SPTBN5: variants seen among roughly 807,000 people sequenced by gnomAD.
SPTBN5 encodes the protein spectrin beta chain, non-erythrocytic 5.
In SPTBN5, 513 loss-of-function variants were observed where a neutral mutation model predicts 477.6. The ratio of observed to expected loss-of-function variants is 1.07; its 90% CI spans 1.00 to 1.16. SPTBN5 has a LOEUF of 1.16. Ranked by LOEUF, SPTBN5 falls within the 50% of genes most tolerant of loss-of-function variation. The pLI, the probability that SPTBN5 is intolerant of heterozygous loss-of-function variation, is 0.00. For missense variants in SPTBN5, 5,062 were observed against 4,731.8 expected (o/e 1.07, Z -2.05); for synonymous variants, 2,169 against 2,011.7 (o/e 1.08, Z -2.09).
At position 41,849,909 on chromosome 15, in the gene SPTBN5, C is replaced by A. The variant is rs374087977; in HGVS notation, c.10972G>T (p.Glu3658Ter). 6.3e-7 allele frequency: 1 copy of A among 1,595,560 alleles called. No individual in the cohort carries two copies. The highest frequency in any genetic ancestry group is 1.1e-5 in the South Asian group (1 of 87,850). ...LKAKPVSSLN[E>*]CTTKDARPGC... ...GGCCGGGCATCCTTGGTCGTGCACT[C>A]ATTCAGAGAGCTGACAGGTTTGGCT... The change falls in exon 67 of 68, where the codon GAG becomes TAG. Residue 3658 changes from glutamate to a stop codon, truncating the protein, a stop_gained. Transcript: ENST00000320955. LOFTEE classifies it low-confidence loss of function (END_TRUNC).
Position 41,851,052 on chromosome 15 carries a change from C to A in SPTBN5, c.10835+7G>T, listed in dbSNP as rs374282696. 8.0e-5 allele frequency: 129 copies of A among 1,610,020 alleles called. No homozygotes were observed. Among genetic ancestry groups the A allele is most frequent in the Non-Finnish European group, 9.6e-5 (113 of 1,178,624 alleles). On this transcript the variant is annotated splice_region_variant and intron_variant, in intron 65 of 67. Transcript: ENST00000320955. ...GGTGATGCCGGAGTCCATGTCTCTC[C>A]GCTCACCTTAAGGAGAATGTGTGTT... is the stretch of plus-strand genomic sequence containing the variant.
In SPTBN5 at chr15:41,865,801, C is replaced by T. The variant is rs2066281984; in HGVS notation, c.6918+7G>A. On this transcript the variant is annotated splice_region_variant and intron_variant, in intron 39 of 67. Coordinates refer to ENST00000320955, the MANE Select transcript of SPTBN5 (RefSeq NM_016642.4). ...TGGCCAACCTCTACCCAGCAAGGCC[C>T]TCTTACCCCGGCCGAGTTTCCTCGG... The T allele has an allele frequency of 3.2e-6, 5 of 1,554,680 alleles. No homozygotes were observed. In the East Asian group the frequency reaches 1.2e-4, roughly 38 times the overall value.
In SPTBN5 at chr15:41,856,913, G is replaced by A. The variant is rs1236507082; in HGVS notation, c.8748C>T (p.Ala2916=). ...GGCTCTGGCCATAGTCCTGGGCAGCGGCCAGAGGCAGCTTCTCCTGCACCC... is the reference window on the plus strand; with the variant it reads ...GGCTCTGGCCATAGTCCTGGGCAGCAGCCAGAGGCAGCTTCTCCTGCACCC... The part of the protein sequence containing the change: ...MAWVQEKLPL[A]AAQDYGQSLS... Residue 2916 remains alanine (A), a synonymous_variant, in exon 52 of 68, where the codon GCC becomes GCT. Transcript: ENST00000320955. 17 of 1,556,214 alleles carry A rather than the reference G, an allele frequency of 1.1e-5. No homozygotes were observed. Among genetic ancestry groups the A allele is most frequent in the Middle Eastern group, 1.7e-4 (1 of 6,020 alleles).
rs571726095 is a variant in SPTBN5 at position 41,869,721 on chromosome 15, C to T, written c.5853+120G>A. ...CTGACATCCCGTGTGCTCGTGCTCT[C>T]CCACCCAAGTCCATGCTTGTTCTCC... On this transcript the variant is annotated intron_variant, in intron 32 of 67. Transcript: ENST00000320955. 11 of 1,122,618 alleles carry T rather than the reference C, an allele frequency of 9.8e-6. No homozygotes were observed. The South Asian group carries it at 2.5e-4, about 26-fold the overall frequency. 69.5% of individuals were successfully genotyped at this position (1,122,618 alleles called of 1,614,324 possible). A position where few individuals can be genotyped will look rare whatever the true frequency, so the allele number is the denominator to read the frequency against.
chr15:41,892,523 C>T (rs2067343973), intron 3 of SPTBN5, among the ~76,000 whole-genome samples: 1 of 152,214 alleles, frequency 6.6e-6, no homozygotes, highest in African/African-American at 2.4e-5. Context: ...GCTGGTTAAC[C>T]ATCGATCTTG....
chr15:41,873,996 A>G lies in SPTBN5; in HGVS notation c.4739T>C (p.Leu1580Pro), dbSNP rs199969875. Residue 1580 changes from leucine to proline, a missense_variant, in exon 25 of 68, where the codon CTG becomes CCG. Physicochemically the swap from Leu to Pro is moderately conservative, Grantham distance 98. Transcript: ENST00000320955. The stretch of plus-strand genomic sequence containing the variant: ...GGCTGCCAGGCTCCGCCCAGAACTC[A>G]GCACCCGTTGCACCTGCCCCTGGTG... ...KAHQGQVQRV[L>P]SSGRSLAASG... is the part of the protein sequence containing the mutation. The G allele has an allele frequency of 1.5e-5, 24 of 1,604,018 alleles. No homozygotes were observed. The African/African-American group carries it at 3.1e-4, about 21-fold the overall frequency.
chr15:41,882,168 G>A (rs781722368), intron 11 of SPTBN5, 23 bp from the exon 12 acceptor site: 2 of 1,548,758 alleles, frequency 1.3e-6, no homozygotes, highest in East Asian at 2.4e-5. Context: ...GTCGGGGGTG[G>A]TGTGGGTGAA....
intron 49 of SPTBN5, among the ~76,000 whole-genome samples, chr15:41,858,163 T>G (rs1046093337): frequency 6.6e-6 from 1 of 152,020 alleles, no homozygotes; most frequent in Non-Finnish European, 1.5e-5. Flanking sequence ...CTGGATGTAG[T>G]GGTGTGGGCC....
Position 41,852,279 on chromosome 15 carries a change from T to C in SPTBN5, c.10487A>G (p.Lys3496Arg). The C allele has an allele frequency of 6.2e-7, 1 of 1,603,056 alleles. No homozygotes were observed. The highest frequency in any genetic ancestry group is 8.5e-7 in the Non-Finnish European group (1 of 1,174,848). Reference protein sequence around the residue: ...QELLLQPQELKPGRAGSSLTS... With the variant: ...QELLLQPQELRPGRAGSSLTS... ...CAGCGAGCTGCCAGCTCTCCCGGGC[T>C]TCAGCTCCTGTGGCTGCAGCAGGAG... The change falls in exon 62 of 68, where the codon AAG becomes AGG. Residue 3496 changes from lysine to arginine, a missense_variant. Physicochemically the swap from Lys to Arg is conservative, Grantham distance 26 (BLOSUM62 2). Transcript: ENST00000320955.
At position 41,888,916 on chromosome 15, in the gene SPTBN5, A is replaced by C. The variant is rs145651859; in HGVS notation, c.502-831T>G. Among the ~76,000 whole-genome samples the C allele has an allele frequency of 3.6e-3, 543 of 152,360 alleles. 3 individuals carry two copies. Among genetic ancestry groups the C allele is most frequent in the African/African-American group, 0.012 (518 of 41,592 alleles). ...CTGGGCCCCAGCGAGGTCAGGCCCC[A>C]GTACCCTGCATGGTGGGGCCAGGCT... is the stretch of plus-strand genomic sequence containing the variant. On this transcript the variant is annotated intron_variant, in intron 4 of 67. Transcript: ENST00000320955.
At chr15:41,866,927 T>A in intron 36 of SPTBN5, 32 bp downstream of exon 36, 1 of 1,539,130 alleles carries the variant, frequency 6.5e-7, no homozygotes, top group African/African-American at 1.4e-5. Context: ...GTGGTTCCAG[T>A]GGAAGGCCCT....
chr15:41,879,640 T>A, intron 15 of SPTBN5, 94 bp downstream of exon 15: 1 of 1,592,292 alleles, frequency 6.3e-7, no homozygotes, highest in Non-Finnish European at 8.6e-7. Flanking sequence ...ACGTCCAGCC[T>A]CTCCATCTGG....
chr15:41,868,438 C>T lies in SPTBN5; in HGVS notation c.6017G>A (p.Gly2006Glu). ...EKLWQQATQL[G>E]QQALLAAGTP... Reference sequence around the variant, plus strand: ...CCCTGCAGCAAGAAGTGCCTGCTGCCCCAGCTGGGTGGCCTGCTGCCACAG... The same window carrying T: ...CCCTGCAGCAAGAAGTGCCTGCTGCTCCAGCTGGGTGGCCTGCTGCCACAG... Residue 2006 changes from glycine (G) to glutamate (E), a missense_variant, in exon 33 of 68, where the codon GGG (glycine) becomes GAG (glutamate). Transcript: ENST00000320955. The T allele has an allele frequency of 6.2e-7, 1 of 1,608,998 alleles. No homozygotes were observed. The highest frequency in any genetic ancestry group is 2.2e-5 in the East Asian group (1 of 44,750).
Position 41,866,443 on chromosome 15 carries a change from A to T in SPTBN5, c.6531T>A (p.Pro2177=). The part of the protein sequence containing the change: ...AWAQQLKEPV[P]PGDLRDKLKP... ...TCAGCTTATCTCTCAGGTCCCCAGG[A>T]GGGACCGGCTCCTTCAGCTGCTGGG... The change falls in exon 37 of 68, where the codon CCT becomes CCA. Residue 2177 remains proline, a synonymous_variant. Coordinates refer to ENST00000320955, the MANE Select transcript of SPTBN5 (RefSeq NM_016642.4). 1.2e-6 allele frequency: 2 copies of T among 1,605,302 alleles called. No homozygotes were observed. Among genetic ancestry groups the T allele is most frequent in the Non-Finnish European group, 1.7e-6 (2 of 1,176,438 alleles).
At chr15:41,882,235 C>T in intron 11 of SPTBN5, 34 bp downstream of exon 11, 1 of 1,048,600 alleles carries the variant, frequency 9.5e-7, no homozygotes, top group Non-Finnish European at 1.3e-6. Flanking sequence ...TCGCCGGGCC[C>T]CGCCCCCACC....
At position 41,882,486 on chromosome 15, in the gene SPTBN5, C is replaced by A. The variant is rs760911792; in HGVS notation, c.2047-17G>T. On this transcript the variant is annotated splice_polypyrimidine_tract_variant and intron_variant, in intron 10 of 67. Coordinates refer to ENST00000320955, the MANE Select transcript of SPTBN5 (RefSeq NM_016642.4). Reference sequence around the variant, plus strand: ...TTCCAGGGCCTAGCGGGGGGCAGAGCAGGGGGCTCAGTGAAGGCAGAACAG... The same window carrying A: ...TTCCAGGGCCTAGCGGGGGGCAGAGAAGGGGGCTCAGTGAAGGCAGAACAG... 11 of 1,558,996 alleles carry A rather than the reference C, an allele frequency of 7.1e-6. No homozygotes were observed. In the South Asian group the frequency reaches 1.1e-4, roughly 15 times the overall value.
At position 41,862,264 on chromosome 15, in the gene SPTBN5, C is replaced by G. The variant is rs2066136906; in HGVS notation, c.7414G>C (p.Ala2472Pro). The G allele has an allele frequency of 6.2e-7, 1 of 1,609,036 alleles. No homozygotes were observed. Among genetic ancestry groups the G allele is most frequent in the Non-Finnish European group, 8.5e-7 (1 of 1,177,760 alleles). Residue 2472 changes from alanine to proline, a missense_variant, in exon 44 of 68, where the codon GCT becomes CCT. Transcript: ENST00000320955. Reference protein sequence around the residue: ...RREALDALHQAQKLQAMLQEL... With the variant: ...RREALDALHQPQKLQAMLQEL... ...TGCAGCATTGCCTGGAGTTTCTGAG[C>G]TTGGTGCAAGGCATCCAGCGCCTCC...
At position 41,886,238 on chromosome 15, in the gene SPTBN5, G is replaced by C; in HGVS notation, c.1017C>G (p.Pro339=). The change falls in exon 7 of 68, where the codon CCC becomes CCG. Residue 339 remains proline, a synonymous_variant. Coordinates refer to ENST00000320955, the MANE Select transcript of SPTBN5 (RefSeq NM_016642.4). ...ATGCTGCCAGTAGCTGCCGCATGGC[G>C]GGCAGCGAGTCTGGAAAATCCCGCG... is the stretch of plus-strand genomic sequence containing the variant. ...LEARDFPDSL[P]AMRQLLAAFT... The C allele has an allele frequency of 6.2e-7, 1 of 1,613,122 alleles. No individual in the cohort carries two copies. Among genetic ancestry groups the C allele is most frequent in the Non-Finnish European group, 8.5e-7 (1 of 1,179,892 alleles).
chr15:41,884,495 A>G (rs1036071159), intron 7 of SPTBN5, among the ~76,000 whole-genome samples: 2 of 152,144 alleles, frequency 1.3e-5, no homozygotes, highest in African/African-American at 2.4e-5. Context: ...TACCTGCAAA[A>G]TCTATCCAGA....
Sources: gnomAD v4.1 joint callset for allele counts (sites outside exome capture counted in the v4.1 genomes callset) on GRCh38, gnomAD v4.1.1 for gene constraint, MANE v1.5 for transcripts, NCBI Gene and HGNC (gene_info 2026-07-23, HGNC 2026-07-21) for gene names.